The following ADAMTS12 variants were observed in gnomAD, a reference collection of about 807,000 sequenced individuals.
ADAMTS12 encodes A disintegrin and metalloproteinase with thrombospondin motifs 12.
ADAMTS12 carries 118 observed loss-of-function variants against 167.8 expected under a neutral mutation model. That is an observed-to-expected ratio of 0.70 (90% CI 0.61 to 0.82). The LOEUF (loss-of-function observed/expected upper bound fraction) is 0.82. ADAMTS12 is among the 40% of genes least tolerant of loss of function. The pLI, the probability that ADAMTS12 is intolerant of heterozygous loss-of-function variation, is 0.00. For synonymous variants in ADAMTS12, 704 were observed against 716.9 expected (o/e 0.98, Z 0.29); for missense variants, 1,916 against 1,998.8 (o/e 0.96, Z 0.79).
intron 2 of ADAMTS12, among the ~76,000 whole-genome samples, chr5:33,808,232 C>G (rs1465237432): frequency 6.6e-6 from 1 of 152,166 alleles, no homozygotes; most frequent in Non-Finnish European, 1.5e-5. Flanking sequence ...GGAGCAGGGC[C>G]TGGGAAAAGC....
intron 16 of ADAMTS12, among the ~76,000 whole-genome samples, chr5:33,604,787 G>T (rs1443061021): frequency 6.6e-6 from 1 of 152,106 alleles, no homozygotes; most frequent in Non-Finnish European, 1.5e-5. Flanking sequence ...TAGAAAGGGT[G>T]GGGTGCATAC....
chr5:33,594,256 A>G (rs1298888221), intron 17 of ADAMTS12, among the ~76,000 whole-genome samples: 2 of 152,214 alleles, frequency 1.3e-5, no homozygotes, highest in Non-Finnish European at 2.9e-5. Context: ...CTGTAGCCAC[A>G]TAAGACATGC....
intron 2 of ADAMTS12, among the ~76,000 whole-genome samples, chr5:33,864,835 G>A (rs1749753294): frequency 6.6e-6 from 1 of 152,108 alleles, no homozygotes; most frequent in East Asian, 1.9e-4. Context: ...ATCAGGGCCT[G>A]TAGGGGGTTA....
chr5:33,734,087 A>G (rs1744285957), intron 3 of ADAMTS12, among the ~76,000 whole-genome samples: 1 of 151,946 alleles, frequency 6.6e-6, no homozygotes, highest in African/African-American at 2.4e-5. Context: ...AAAAGCGCTG[A>G]GCAGACAAGG....
rs185406566 is a variant in ADAMTS12 at position 33,852,157 on chromosome 5, G to A, written c.489+28962C>T. Among the ~76,000 whole-genome samples the A allele has an allele frequency of 1.3e-4, 20 of 152,104 alleles. No individual in the cohort carries two copies. In the East Asian group the frequency reaches 3.9e-3, roughly 29 times the overall value. On this transcript the variant is annotated intron_variant, in intron 2 of 23. Transcript: ENST00000504830. ...AACAACTAAAACAAAGACCAAGGAA[G>A]AGAAAGAAAAGCCAAAGAAAATTCC... is the stretch of plus-strand genomic sequence containing the variant.
Position 33,540,175 on chromosome 5 carries a change from G to C in ADAMTS12, c.4447-5183C>G, listed in dbSNP as rs1407935368. On this transcript the variant is annotated intron_variant, in intron 22 of 23. Transcript: ENST00000504830. The stretch of plus-strand genomic sequence containing the variant: ...ATTCTCTCCTGTGCCTGGTTCGGCA[G>C]GTCCCACACTCACGGAGCCTTGCTC... 4.6e-5 allele frequency among the ~76,000 whole-genome samples: 7 copies of C among 152,398 alleles called. No homozygotes were observed. The East Asian group carries it at 1.3e-3, about 29-fold the overall frequency.
At chr5:33,826,408 G>C (rs932446351) in intron 2 of ADAMTS12, among the ~76,000 whole-genome samples, 1 of 151,990 alleles carries the variant, frequency 6.6e-6, no homozygotes, top group Non-Finnish European at 1.5e-5. Flanking sequence ...ATTTGGAAAA[G>C]TGTATATGCA....
At chr5:33,530,372 T>G (rs1744039743) in intron 23 of ADAMTS12, among the ~76,000 whole-genome samples, 1 of 152,234 alleles carries the variant, frequency 6.6e-6, no homozygotes, top group South Asian at 2.1e-4. Context: ...TCACTGGACC[T>G]GGGCCATGCA....
chr5:33,819,021 T>C (rs896885039), intron 2 of ADAMTS12, among the ~76,000 whole-genome samples: 1 of 152,174 alleles, frequency 6.6e-6, no homozygotes, highest in African/African-American at 2.4e-5. Context: ...CAAATTTTTT[T>C]CCCAGTATGT....
intron 13 of ADAMTS12, among the ~76,000 whole-genome samples, chr5:33,630,269 A>T (rs1342278501): frequency 6.6e-6 from 1 of 152,258 alleles, no homozygotes; most frequent in Non-Finnish European, 1.5e-5. Flanking sequence ...TCAACACATC[A>T]GGTCTAAATA....
Position 33,881,455 on chromosome 5 carries a change from T to C in ADAMTS12, c.153A>G (p.Glu51=). 6.2e-7 allele frequency: 1 copy of C among 1,613,396 alleles called. No homozygotes were observed. ...RQEHFIKGLP[E]YHVVGPVRVD... Reference sequence around the variant, plus strand: ...CTCGGACTGGACCCACCACGTGGTATTCTGGCAGGCCCTTGATAAAATGCT... The same window carrying C: ...CTCGGACTGGACCCACCACGTGGTACTCTGGCAGGCCCTTGATAAAATGCT... Residue 51 remains glutamate, a synonymous_variant, in exon 2 of 24, where the codon GAA becomes GAG. Transcript: ENST00000504830.
chr5:33,800,312 C>T (rs919479636), intron 2 of ADAMTS12, among the ~76,000 whole-genome samples: 4 of 152,132 alleles, frequency 2.6e-5, no homozygotes, highest in African/African-American at 4.8e-5. Flanking sequence ...GCCCAAAGAC[C>T]TTAGTCTAGT....
intron 10 of ADAMTS12, among the ~76,000 whole-genome samples, chr5:33,642,241 C>G (rs1281479175): frequency 1.3e-5 from 2 of 152,172 alleles, no homozygotes; most frequent in Non-Finnish European, 2.9e-5. Flanking sequence ...CAACATACTA[C>G]TTTTTTCATT....
At chr5:33,733,837 A>G (rs1487721463) in intron 3 of ADAMTS12, among the ~76,000 whole-genome samples, 2 of 152,154 alleles carry the variant, frequency 1.3e-5, no homozygotes, top group African/African-American at 4.8e-5. Flanking sequence ...TGCATGCATC[A>G]TCTCCAATTC....
intron 11 of ADAMTS12, among the ~76,000 whole-genome samples, chr5:33,638,789 G>A (rs1740309798): frequency 6.6e-6 from 1 of 152,198 alleles, no homozygotes; most frequent in African/African-American, 2.4e-5. Context: ...GGGTGAATAA[G>A]TTAATCTTAT....
chr5:33,833,794 G>A (rs942590091), intron 2 of ADAMTS12, among the ~76,000 whole-genome samples: 36 of 152,062 alleles, frequency 2.4e-4, no homozygotes, highest in African/African-American at 6.8e-4. Context: ...TTCATGACTC[G>A]GGAAATGATT....
intron 2 of ADAMTS12, among the ~76,000 whole-genome samples, chr5:33,795,665 G>C (rs1746744791): frequency 2.6e-5 from 4 of 152,264 alleles, no homozygotes; most frequent in Admixed American, 2.6e-4. Context: ...TGGAGGAATG[G>C]GGGAGCTGGG....
At chr5:33,539,444 A>G (rs1391929122) in intron 22 of ADAMTS12, among the ~76,000 whole-genome samples, 1 of 152,242 alleles carries the variant, frequency 6.6e-6, no homozygotes, top group Non-Finnish European at 1.5e-5. Flanking sequence ...TTTAGGACAG[A>G]TGCCAACTCC....
intron 14 of ADAMTS12, among the ~76,000 whole-genome samples, chr5:33,623,179 G>A (rs1739414482): frequency 6.6e-6 from 1 of 152,148 alleles, no homozygotes; most frequent in Admixed American, 6.5e-5. Context: ...CAGGAAAACA[G>A]GGCTTTACCA....
Sources: gnomAD v4.1 joint callset for allele counts (sites outside exome capture counted in the v4.1 genomes callset) on GRCh38, gnomAD v4.1.1 for gene constraint, MANE v1.5 for transcripts, NCBI Gene and HGNC (gene_info 2026-07-23, HGNC 2026-07-21) for gene names.